The following PCDHGA2 variants were observed in gnomAD, a reference collection of about 807,000 sequenced individuals.
PCDHGA2 encodes protocadherin gamma subfamily A, 2.
In PCDHGA2, 40 loss-of-function variants were observed where a neutral mutation model predicts 59.2. The ratio of observed to expected loss-of-function variants is 0.68; its 90% CI spans 0.52 to 0.88. The LOEUF is 0.88. PCDHGA2 is among the 40% of genes least tolerant of loss of function. The pLI, the probability that PCDHGA2 is intolerant of heterozygous loss-of-function variation, is 0.00. For missense variants in PCDHGA2, 1,226 were observed against 1,204.0 expected (o/e 1.02, Z -0.27); for synonymous variants, 560 against 526.0 (o/e 1.06, Z -0.89).
chr5:141,383,143 G>A (rs371358932), intron 1 of PCDHGA2: 2 of 1,613,972 alleles, frequency 1.2e-6, no homozygotes, highest in Non-Finnish European at 8.5e-7. Context: ...CCAGCGCAGC[G>A]GCAGCTTGGT....
intron 1 of PCDHGA2, chr5:141,390,099 C>G: frequency 6.2e-7 from 1 of 1,614,052 alleles, no homozygotes; most frequent in Non-Finnish European, 8.5e-7. Context: ...CGTGGTTCCC[C>G]CCAACTACAG....
chr5:141,437,741 CTTT>C (rs35124340), intron 1 of PCDHGA2, among the ~76,000 whole-genome samples: 1 of 141,708 alleles, frequency 7.1e-6, no homozygotes. Context: ...TTGAGTTCAC[CTTT>C]TTTTTTTTTT....
At chr5:141,381,157 C>T (rs959682414) in intron 1 of PCDHGA2, among the ~76,000 whole-genome samples, 2 of 152,238 alleles carry the variant, frequency 1.3e-5, no homozygotes, top group African/African-American at 4.8e-5. Flanking sequence ...AAATAGGTTA[C>T]TTAGGAGCCT....
chr5:141,422,040 C>A, intron 1 of PCDHGA2: 1 of 1,611,442 alleles, frequency 6.2e-7, no homozygotes, highest in Non-Finnish European at 8.5e-7. Context: ...CGGATCCAGA[C>A]GAGGGAATCA....
Position 141,367,146 on chromosome 5 carries a change from A to G in PCDHGA2, c.2424+25751A>G, listed in dbSNP as rs900796312. 2.4e-5 allele frequency: 4 copies of G among 168,774 alleles called. No individual in the cohort carries two copies. In the East Asian group the frequency reaches 5.2e-4, roughly 22 times the overall value. 10.5% of individuals were successfully genotyped at this position (168,774 alleles called of 1,614,324 possible). A position where few individuals can be genotyped will look rare whatever the true frequency, so the allele number is the denominator to read the frequency against. ...ATGTGTTTTGGAAAGGATAATGTAT[A>G]GGACTGATATTTTAGTCTACCTGAA... is the stretch of plus-strand genomic sequence containing the variant. On this transcript the variant is annotated intron_variant, in intron 1 of 3. Transcript: ENST00000394576.
chr5:141,350,441 A>C, intron 1 of PCDHGA2: 1 of 1,610,702 alleles, frequency 6.2e-7, no homozygotes, highest in Non-Finnish European at 8.5e-7. Context: ...GGAGTTGCCA[A>C]CTCGAAAACT....
At chr5:141,350,361 C>T (rs751339845) in intron 1 of PCDHGA2, 2 of 1,571,214 alleles carry the variant, frequency 1.3e-6, no homozygotes, top group South Asian at 1.2e-5. Context: ...ATCCGATACA[C>T]GATTCCAGAG....
chr5:141,404,771 C>T lies in PCDHGA2; in HGVS notation c.2424+63376C>T, dbSNP rs376650362. On this transcript the variant is annotated intron_variant, in intron 1 of 3. Coordinates refer to ENST00000394576, the MANE Select transcript of PCDHGA2 (RefSeq NM_018915.4). Reference sequence around the variant, plus strand: ...AGGCCAGAATGCTTGGCTCTCCTACCGCCTATTCAAGGCCAGTGAGCCAGG... The same window carrying T: ...AGGCCAGAATGCTTGGCTCTCCTACTGCCTATTCAAGGCCAGTGAGCCAGG... The T allele has an allele frequency of 3.3e-5, 53 of 1,613,868 alleles. No homozygotes were observed. Among genetic ancestry groups the T allele is most frequent in the African/African-American group, 1.9e-4 (14 of 74,938 alleles).
chr5:141,410,180 C>G (rs776702898), intron 1 of PCDHGA2: 43 of 1,613,802 alleles, frequency 2.7e-5, no homozygotes, highest in Non-Finnish European at 3.4e-5. Context: ...CACCGCCACG[C>G]TTCATCTGGT....
At chr5:141,380,361 GA>G (rs980591138) in intron 1 of PCDHGA2, among the ~76,000 whole-genome samples, 1 of 151,502 alleles carries the variant, frequency 6.6e-6, no homozygotes, top group Non-Finnish European at 1.5e-5. Flanking sequence ...TTGTTTTTTA[GA>G]AAAAAAAGTC....
rs759945612 is a variant in PCDHGA2 at position 141,409,754 on chromosome 5, C to T, written c.2424+68359C>T. ...GCAGAGCGGGGTGGTGTTCGCGCAG[C>T]GCGCCTTTGATCACGAGCAGCTGCG... On this transcript the variant is annotated intron_variant, in intron 1 of 3. Coordinates refer to ENST00000394576, the MANE Select transcript of PCDHGA2 (RefSeq NM_018915.4). 3 of 1,612,880 alleles carry T rather than the reference C, an allele frequency of 1.9e-6. No individual in the cohort carries two copies. In the Admixed American group the frequency reaches 5.0e-5, roughly 27 times the overall value.
chr5:141,450,846 A>C (rs2098698903), intron 1 of PCDHGA2, among the ~76,000 whole-genome samples: 1 of 115,730 alleles, frequency 8.6e-6, no homozygotes. Context: ...TTTTTTTGAG[A>C]TGGGGTCTTG....
At chr5:141,451,113 C>T (rs2098707217) in intron 1 of PCDHGA2, among the ~76,000 whole-genome samples, 1 of 152,152 alleles carries the variant, frequency 6.6e-6, no homozygotes. Context: ...CAGGCGTGAG[C>T]CACCACACCC....
At position 141,432,069 on chromosome 5, in the gene PCDHGA2, A is replaced by G. The variant is rs572724741; in HGVS notation, c.2425-62738A>G. On this transcript the variant is annotated intron_variant, in intron 1 of 3. Transcript: ENST00000394576. The surrounding 1 kb of genome is among the most constrained non-coding windows in gnomAD (Gnocchi z 6.0). ...ACCCCGCCCCTATCCACGGAAACTC[A>G]TATCTCGCTGAACGTGGCAGACACC... 646 of 1,614,168 alleles carry G rather than the reference A, an allele frequency of 4.0e-4. 5 individuals are homozygous for G. In the South Asian group the frequency reaches 6.9e-3, roughly 17 times the overall value.
At position 141,350,361 on chromosome 5, in the gene PCDHGA2, C is replaced by A. The variant is rs751339845; in HGVS notation, c.2424+8966C>A. On this transcript the variant is annotated intron_variant, in intron 1 of 3. Transcript: ENST00000394576. The stretch of plus-strand genomic sequence containing the variant: ...GCCATCTCCCAGCAGATCCGATACA[C>A]GATTCCAGAGGAGCTAGCCAACGGC... 2.6e-5 allele frequency: 41 copies of A among 1,571,096 alleles called. No individual in the cohort carries two copies. The South Asian group carries it at 4.9e-4, about 19-fold the overall frequency.
intron 1 of PCDHGA2, chr5:141,427,474 A>G (rs373512099): frequency 3.7e-5 from 19 of 520,294 alleles, no homozygotes; most frequent in African/African-American, 1.5e-4. Context: ...TCTTCCGCCA[A>G]TAATGACTAT....
intron 1 of PCDHGA2, chr5:141,350,157 G>A (rs900182018): frequency 9.8e-7 from 1 of 1,016,996 alleles, no homozygotes; most frequent in African/African-American, 1.6e-5. Flanking sequence ...ACCCTCGAGC[G>A]CCTAACTAAT....
At chr5:141,399,662 C>G (rs759226157) in intron 1 of PCDHGA2, 1 of 1,613,666 alleles carries the variant, frequency 6.2e-7, no homozygotes, top group South Asian at 1.1e-5. Context: ...GTGGTGTTCG[C>G]GCAGCGCGCC....
chr5:141,449,067 T>A lies in PCDHGA2; in HGVS notation c.2425-45740T>A, dbSNP rs547833131. On this transcript the variant is annotated intron_variant, in intron 1 of 3. Transcript: ENST00000394576. ...AGTCTCATAAATGAGCGCTATTGAA[T>A]AGCCCTGTACCTACATCAGTTTTTA... Among the ~76,000 whole-genome samples the A allele has an allele frequency of 3.3e-5, 5 of 152,342 alleles. No homozygotes were observed. In the East Asian group the frequency reaches 9.6e-4, roughly 29 times the overall value.
Sources: allele counts gnomAD v4.1 joint callset (sites outside exome capture counted in the v4.1 genomes callset), GRCh38; gene constraint gnomAD v4.1.1; non-coding constraint Gnocchi (gnomAD v3.1); transcripts MANE v1.5; gene names NCBI Gene and HGNC (gene_info 2026-07-23, HGNC 2026-07-21).